DAAM1: variants seen among roughly 807,000 people sequenced by gnomAD.
DAAM1 encodes dishevelled associated activator of morphogenesis 1, also known as disheveled-associated activator of morphogenesis 1.
Under a neutral mutation model 130.0 loss-of-function variants are expected in DAAM1, and 52 were observed. That is an observed-to-expected ratio of 0.40 (90% CI 0.32 to 0.50). The LOEUF (loss-of-function observed/expected upper bound fraction) is 0.50, where lower values mean the gene tolerates loss of function less well. DAAM1 is among the 20% of genes least tolerant of loss of function. The pLI is 0.61. For missense variants in DAAM1, 1,134 were observed against 1,303.8 expected, an observed-to-expected ratio of 0.87 and a Z score of 2.01; for synonymous variants, 452 against 444.5, an observed-to-expected ratio of 1.02 and a Z score of -0.21.
At chr14:59,252,154 C>T (rs751388486) in intron 1 of DAAM1, among the ~76,000 whole-genome samples, 6 of 152,164 alleles carry the variant, frequency 3.9e-5, no homozygotes, top group Non-Finnish European at 7.4e-5. Context: ...AATGATCTTT[C>T]TGAGGAAAAA....
intron 1 of DAAM1, among the ~76,000 whole-genome samples, chr14:59,229,082 A>G (rs918865906): frequency 5.3e-5 from 8 of 152,214 alleles, no homozygotes; most frequent in Non-Finnish European, 1.2e-4. Context: ...AAAGCATTTA[A>G]TGGGCTGATT....
At chr14:59,280,027 T>C (rs1292998525) in intron 2 of DAAM1, among the ~76,000 whole-genome samples, 1 of 152,106 alleles carries the variant, frequency 6.6e-6, no homozygotes, top group African/African-American at 2.4e-5. Context: ...AAACTAAAAC[T>C]GCATTGAGAT....
intron 3 of DAAM1, among the ~76,000 whole-genome samples, chr14:59,314,480 AT>A (rs780481713): frequency 0.026 from 3,651 of 142,814 alleles, 68 homozygotes; most frequent in Non-Finnish European, 0.031. Flanking sequence ...CTGATAACTG[AT>A]TTTTTTTTTT....
At chr14:59,245,412 T>C (rs181506881) in intron 1 of DAAM1, among the ~76,000 whole-genome samples, 2 of 152,350 alleles carry the variant, frequency 1.3e-5, no homozygotes, top group Non-Finnish European at 2.9e-5. Context: ...AATCTTCCTT[T>C]AAGTAGCAGG....
chr14:59,370,144 C>CTTTTTTTTTTTTTTTTTTTTTTT lies in DAAM1; in HGVS notation c.*1289_*1311dup, dbSNP rs398025271. 2 of 95,376 alleles carry CTTTTTTTTTTTTTTTTTTTTTTT rather than the reference C, an allele frequency of 2.1e-5. No individual in the cohort carries two copies. Among genetic ancestry groups the CTTTTTTTTTTTTTTTTTTTTTTT allele is most frequent in the Admixed American group, 1.3e-4 (1 of 7,942 alleles). The allele number at this position is 95,376 out of a possible 1,614,324, so 5.9% of individuals were successfully genotyped here. A position where few individuals can be genotyped will look rare whatever the true frequency, so the allele number is the denominator to read the frequency against. ...TATAAAGAGGACTGTTACTTTTTTA[C>CTTTTTTTTTTTTTTTTTTTTTTT]TTTTTTTTTTTTTTTTTTTTTTTTT... On this transcript the variant is annotated 3_prime_UTR_variant, in exon 25 of 25. Coordinates refer to ENST00000360909, the MANE Select transcript of DAAM1 (RefSeq NM_001270520.2).
intron 1 of DAAM1, among the ~76,000 whole-genome samples, chr14:59,221,855 C>T (rs192306682): frequency 1.3e-5 from 2 of 152,326 alleles, no homozygotes; most frequent in East Asian, 3.9e-4. Context: ...GAACTAAGGC[C>T]AGCAGAGCAT....
intron 1 of DAAM1, among the ~76,000 whole-genome samples, chr14:59,200,822 G>A: frequency 6.6e-6 from 1 of 152,150 alleles, no homozygotes; most frequent in East Asian, 1.9e-4. Context: ...TAGGGATGCT[G>A]ACTCAGTAGA....
intron 15 of DAAM1, 129 bp downstream of exon 15, chr14:59,332,049 C>T (rs1885463829): frequency 6.7e-6 from 5 of 748,512 alleles, no homozygotes; most frequent in East Asian, 2.6e-5. Context: ...CTACCCTGTG[C>T]ATGTCCGTGT....
intron 16 of DAAM1, among the ~76,000 whole-genome samples, chr14:59,343,375 C>A (rs552260574): frequency 6.6e-5 from 10 of 152,246 alleles, no homozygotes; most frequent in African/African-American, 2.4e-4. Flanking sequence ...ATGAAGAAGC[C>A]CTTGAAGGCT....
At chr14:59,296,518 A>T (rs995800894) in intron 3 of DAAM1, among the ~76,000 whole-genome samples, 26 of 152,178 alleles carry the variant, frequency 1.7e-4, no homozygotes, top group Non-Finnish European at 3.5e-4. Flanking sequence ...CTGGTAGGAG[A>T]AGCAGATAGA....
intron 1 of DAAM1, among the ~76,000 whole-genome samples, chr14:59,258,639 A>G (rs979185569): frequency 1.1e-4 from 16 of 152,232 alleles, no homozygotes; most frequent in South Asian, 2.1e-4. Flanking sequence ...GTCCAGCGGA[A>G]TGATTCCTTT....
Position 59,216,469 on chromosome 14 carries a change from C to G in DAAM1, c.-38+27701C>G, listed in dbSNP as rs10144162. Among the ~76,000 whole-genome samples, 351 of 152,234 alleles carry G rather than the reference C, an allele frequency of 2.3e-3. 1 individual carries two copies. The highest frequency in any genetic ancestry group is 8.0e-3 in the African/African-American group (333 of 41,518). On this transcript the variant is annotated intron_variant, in intron 1 of 24. Transcript: ENST00000360909. ...GACGCAGTGGCTCATGCCTGTAATA[C>G]CAGCACTTTGGGAGGCCGAGGCAGG...
chr14:59,286,852 A>C (rs901882951), intron 2 of DAAM1, among the ~76,000 whole-genome samples: 7 of 152,210 alleles, frequency 4.6e-5, no homozygotes, highest in Non-Finnish European at 8.8e-5. Context: ...GAATTCTACC[A>C]GATATATGAA....
chr14:59,289,382 A>G (rs1883615822), intron 2 of DAAM1, among the ~76,000 whole-genome samples: 1 of 152,208 alleles, frequency 6.6e-6, no homozygotes, highest in Admixed American at 6.5e-5. Context: ...GCAGAGCCCA[A>G]TCACATCAAT....
At chr14:59,342,875 G>C (rs1012646729) in intron 16 of DAAM1, among the ~76,000 whole-genome samples, 2 of 152,144 alleles carry the variant, frequency 1.3e-5, no homozygotes, top group Non-Finnish European at 2.9e-5. Flanking sequence ...TCAAGGAGGC[G>C]TGCAGCAGCA....
At chr14:59,299,895 G>C (rs903980616) in intron 3 of DAAM1, 1 of 152,046 alleles carries the variant, frequency 6.6e-6, no homozygotes. Context: ...TCTTAGCCAC[G>C]TGCCCTCCAC....
intron 1 of DAAM1, among the ~76,000 whole-genome samples, chr14:59,248,889 G>A (rs893021493): frequency 6.6e-6 from 1 of 152,098 alleles, no homozygotes; most frequent in African/African-American, 2.4e-5. Flanking sequence ...CCGGGTTCAC[G>A]CCATTCTCCT....
intron 15 of DAAM1, among the ~76,000 whole-genome samples, chr14:59,336,977 T>G (rs1885652566): frequency 6.6e-6 from 1 of 152,122 alleles, no homozygotes; most frequent in Non-Finnish European, 1.5e-5. Context: ...ACCCGGTAAA[T>G]AACAGTTGCC....
chr14:59,214,933 T>C (rs187448411), intron 1 of DAAM1, among the ~76,000 whole-genome samples: 1 of 152,352 alleles, frequency 6.6e-6, no homozygotes, highest in East Asian at 1.9e-4. Context: ...TTTTCTAAAG[T>C]GACTGCACTA....
Sources: gnomAD v4.1 joint callset for allele counts (sites outside exome capture counted in the v4.1 genomes callset) on GRCh38, gnomAD v4.1.1 for gene constraint, MANE v1.5 for transcripts, NCBI Gene and HGNC (gene_info 2026-07-23, HGNC 2026-07-21) for gene names.